FBXO25: variants seen among roughly 807,000 people sequenced by gnomAD.
FBXO25 encodes the protein F-box protein 25, also known as F-box only protein 25.
FBXO25 carries 45 observed loss-of-function variants against 51.9 expected under a neutral mutation model. The observed-to-expected ratio is 0.87, with a 90% CI of 0.68 to 1.11. FBXO25 has a LOEUF of 1.11. FBXO25 is among the 50% of genes most tolerant of loss of function. FBXO25 has a pLI of 0.00. For synonymous variants in FBXO25, 199 were observed against 151.0 expected (o/e 1.32, Z -2.33); for missense variants, 507 against 428.5 (o/e 1.18, Z -1.62).
chr8:433,064 C>G (rs1797909406), intron 4 of FBXO25, 129 bp downstream of exon 4: 2 of 1,206,110 alleles, frequency 1.7e-6, no homozygotes, highest in African/African-American at 3.2e-5. Context: ...CTATGGTTCA[C>G]ATTCTGACAG....
rs146754998 is a variant in FBXO25 at position 451,400 on chromosome 8, T to A, written c.607T>A (p.Leu203Ile). 1 of 1,613,868 alleles carries A rather than the reference T, an allele frequency of 6.2e-7. No individual in the cohort carries two copies. Among genetic ancestry groups the A allele is most frequent in the African/African-American group, 1.3e-5 (1 of 74,914 alleles). Residue 203 changes from leucine to isoleucine, a missense_variant, in exon 7 of 10, where the codon TTA (leucine) becomes ATA (isoleucine). Coordinates refer to ENST00000350302, the MANE Select transcript of FBXO25 (RefSeq NM_183420.2). ...AAACATCAATATTTGGATTTGCCGA[T>A]TAGAAACTATTCTCGCCTGGCAACA... ...VGNINIWICRLETILAWQQQL... is the reference protein window; with the variant it reads ...VGNINIWICRIETILAWQQQL...
intron 5 of FBXO25, among the ~76,000 whole-genome samples, chr8:445,869 C>T (rs1479735315): frequency 1.3e-5 from 2 of 152,214 alleles, no homozygotes. Flanking sequence ...GAAACTCCGT[C>T]TCACAAAACA....
chr8:454,890 C>CAAA (rs376342237), intron 7 of FBXO25, among the ~76,000 whole-genome samples: 5 of 109,620 alleles, frequency 4.6e-5, no homozygotes, highest in African/African-American at 8.6e-5. Flanking sequence ...GACTCCATCT[C>CAAA]AAAAAAAGAA....
chr8:452,955 C>T (rs937520577), intron 7 of FBXO25, among the ~76,000 whole-genome samples: 11 of 151,840 alleles, frequency 7.2e-5, no homozygotes, highest in African/African-American at 1.7e-4. Flanking sequence ...GGGAGAGGCA[C>T]GGGCTGAGGG....
At chr8:417,729 C>A (rs1209384355) in intron 2 of FBXO25, among the ~76,000 whole-genome samples, 2 of 152,148 alleles carry the variant, frequency 1.3e-5, no homozygotes, top group African/African-American at 2.4e-5. Context: ...GGAAGTTGTT[C>A]CATGTCAGTG....
chr8:420,665 A>G (rs1797094110), intron 2 of FBXO25, among the ~76,000 whole-genome samples: 1 of 152,260 alleles, frequency 6.6e-6, no homozygotes, highest in Non-Finnish European at 1.5e-5. Context: ...TTGCTTAGTG[A>G]AAGAAACCAA....
intron 7 of FBXO25, among the ~76,000 whole-genome samples, chr8:457,094 C>T (rs1216743847): frequency 1.3e-5 from 2 of 152,204 alleles, no homozygotes; most frequent in Non-Finnish European, 2.9e-5. Flanking sequence ...CAAGTACATA[C>T]ATCGACCTAT....
At chr8:435,456 A>G (rs997299615) in intron 4 of FBXO25, 159 bp from the exon 5 acceptor site, 14 of 955,008 alleles carry the variant, frequency 1.5e-5, no homozygotes, top group African/African-American at 3.3e-5. Flanking sequence ...TAGCATTGCT[A>G]TAATTTTACT....
intron 7 of FBXO25, among the ~76,000 whole-genome samples, chr8:454,502 G>C (rs1799292347): frequency 6.6e-6 from 1 of 152,216 alleles, no homozygotes; most frequent in Admixed American, 6.5e-5. Flanking sequence ...ATGAGCACAT[G>C]ATGTGTCACA....
At chr8:415,575 G>C (rs1482241104) in intron 2 of FBXO25, among the ~76,000 whole-genome samples, 7 of 152,214 alleles carry the variant, frequency 4.6e-5, no homozygotes, top group Non-Finnish European at 7.3e-5. Context: ...GTAGACAGGT[G>C]AGAAATGTTG....
chr8:462,808 C>A (rs1266652290), intron 8 of FBXO25, among the ~76,000 whole-genome samples, 199 bp from the exon 9 acceptor site: 3 of 152,076 alleles, frequency 2.0e-5, no homozygotes, highest in Non-Finnish European at 2.9e-5. Flanking sequence ...GCATACTTCT[C>A]CAGTGATGGG....
rs370943449 is a variant in FBXO25 at position 421,498 on chromosome 8, C to G, written c.134+8285C>G. 1.7e-4 allele frequency among the ~76,000 whole-genome samples: 26 copies of G among 152,302 alleles called. No homozygotes were observed. The South Asian group carries it at 5.2e-3, about 30-fold the overall frequency. Reference sequence around the variant, plus strand: ...GGGGCATGGGTTAGCAATCTCAAAACTGTACATATTCTAGGAAGAAGTTAC... The same window carrying G: ...GGGGCATGGGTTAGCAATCTCAAAAGTGTACATATTCTAGGAAGAAGTTAC... On this transcript the variant is annotated intron_variant, in intron 2 of 9. Transcript: ENST00000350302.
Position 468,811 on chromosome 8 carries a change from C to A in FBXO25, c.*7C>A. On this transcript the variant is annotated 3_prime_UTR_variant, in exon 10 of 10. Coordinates refer to ENST00000350302, the MANE Select transcript of FBXO25 (RefSeq NM_183420.2). ...CGACCTCTTCAAGTTTTAAGGGCTG[C>A]CCCTGCCATCCCTATTGGAGATTGT... The A allele has an allele frequency of 6.2e-7, 1 of 1,612,724 alleles. No homozygotes were observed. The highest frequency in any genetic ancestry group is 8.5e-7 in the Non-Finnish European group (1 of 1,179,174).
intron 9 of FBXO25, among the ~76,000 whole-genome samples, chr8:466,938 G>A (rs1800201963): frequency 6.6e-6 from 1 of 152,156 alleles, no homozygotes; most frequent in Admixed American, 6.6e-5. Flanking sequence ...GGCTGGGTCA[G>A]GGAAGCCATG....
At chr8:414,810 C>G (rs774292448) in intron 2 of FBXO25, among the ~76,000 whole-genome samples, 1 of 152,162 alleles carries the variant, frequency 6.6e-6, no homozygotes, top group Non-Finnish European at 1.5e-5. Context: ...GCACAGTGAG[C>G]GAGAACTAGT....
chr8:427,341 T>G (rs1377574176), intron 2 of FBXO25, among the ~76,000 whole-genome samples: 12 of 150,582 alleles, frequency 8.0e-5, no homozygotes, highest in Admixed American at 3.3e-4. Context: ...TGTTCCACTT[T>G]GTTTTGGTGT....
rs1765017258 is a variant in FBXO25, at chr8:475,161, G to A, written c.*6357G>A. On this transcript the variant is annotated 3_prime_UTR_variant, in exon 10 of 10. Coordinates refer to ENST00000350302, the MANE Select transcript of FBXO25 (RefSeq NM_183420.2). The stretch of plus-strand genomic sequence containing the variant: ...TGGTGTGAGGTAGATCTAGCTTCAT[G>A]TGGATGTCCACTTGTCTAGCACCAT... 1 of 347,144 alleles carries A rather than the reference G, an allele frequency of 2.9e-6. No homozygotes were observed. Among genetic ancestry groups the A allele is most frequent in the Non-Finnish European group, 5.5e-6 (1 of 180,740 alleles). The allele number at this position is 347,144 out of a possible 1,614,324, so 21.5% of individuals were successfully genotyped here.
At chr8:452,850 A>G (rs1401280317) in intron 7 of FBXO25, among the ~76,000 whole-genome samples, 1 of 152,234 alleles carries the variant, frequency 6.6e-6, no homozygotes, top group Non-Finnish European at 1.5e-5. Flanking sequence ...GCAAGGGACA[A>G]GCTTGCATCT....
At chr8:464,335 G>T (rs1402861916) in intron 9 of FBXO25, among the ~76,000 whole-genome samples, 1 of 139,950 alleles carries the variant, frequency 7.1e-6, no homozygotes, top group East Asian at 2.0e-4. Context: ...GTTTGAACAT[G>T]TTTATGTTGT....
Sources: allele counts gnomAD v4.1 joint callset (sites outside exome capture counted in the v4.1 genomes callset), GRCh38; gene constraint gnomAD v4.1.1; transcripts MANE v1.5; gene names NCBI Gene and HGNC (gene_info 2026-07-23, HGNC 2026-07-21).